Variants in PLCZ1 observed in about 807,000 individuals in gnomAD.
PLCZ1 encodes the protein phospholipase C zeta 1.
A neutral mutation model predicts 76.8 loss-of-function variants in PLCZ1; 64 were observed. The observed-to-expected ratio is 0.83, with a 90% CI of 0.68 to 1.03. PLCZ1 has a LOEUF of 1.03. Ranked by LOEUF, PLCZ1 falls within the 50% of genes least tolerant of loss-of-function variation. PLCZ1 has a pLI of 0.00. For synonymous variants in PLCZ1, 248 were observed against 230.8 expected (o/e 1.07, Z -0.68); for missense variants, 751 against 713.7 (o/e 1.05, Z -0.60).
the PLCZ1 span, among the ~76,000 whole-genome samples, chr12:18,652,452 T>C: frequency 6.6e-6 from 1 of 152,104 alleles, no homozygotes; most frequent in African/African-American, 2.4e-5. Flanking sequence ...CCCACAGCTC[T>C]CAAAAGGAAC....
chr12:18,735,562 G>A (rs556456319), intron 3 of PLCZ1, among the ~76,000 whole-genome samples: 1 of 152,024 alleles, frequency 6.6e-6, no homozygotes, highest in South Asian at 2.1e-4. Context: ...TTTTGTTATT[G>A]GTCTGTTTAA....
At chr12:18,673,424 T>C in the PLCZ1 span, among the ~76,000 whole-genome samples, 1 of 152,134 alleles carries the variant, frequency 6.6e-6, no homozygotes, top group Non-Finnish European at 1.5e-5. Context: ...CACCAAGATA[T>C]ACTTTTTACA....
At chr12:18,678,596 C>T (rs146863129), downstream of PLCZ1, among the ~76,000 whole-genome samples, 824 of 152,124 alleles carry the variant, frequency 5.4e-3, 13 homozygotes, top group African/African-American at 0.019. Flanking sequence ...ATAAATGGAA[C>T]CACACAGTAC....
At chr12:18,650,331 C>A in the PLCZ1 span, among the ~76,000 whole-genome samples, 61,541 of 89,614 alleles carry the variant, frequency 0.69, 19,631 homozygotes, top group East Asian at 0.74. Context: ...CTCTCTCTCT[C>A]TATATATATA....
At chr12:18,656,751 AACG>A in the PLCZ1 span, among the ~76,000 whole-genome samples, 3 of 50,486 alleles carry the variant, frequency 5.9e-5, no homozygotes, top group African/African-American at 1.8e-4. Context: ...CAGCAACAAC[AACG>A]ACAACAACAA....
At chr12:18,667,921 G>A in the PLCZ1 span, among the ~76,000 whole-genome samples, 4 of 152,144 alleles carry the variant, frequency 2.6e-5, no homozygotes, top group African/African-American at 4.8e-5. Context: ...ACAAGGTGGA[G>A]AGTGAGACGG....
intron 6 of PLCZ1, among the ~76,000 whole-genome samples, chr12:18,710,280 TC>T (rs1415065656): frequency 1.3e-5 from 2 of 151,228 alleles, no homozygotes; most frequent in East Asian, 3.9e-4. Context: ...AATTCATTTT[TC>T]CACTCTGAAT....
chr12:18,695,947 T>C (rs955945654), intron 11 of PLCZ1, among the ~76,000 whole-genome samples: 1 of 151,858 alleles, frequency 6.6e-6, no homozygotes, highest in Non-Finnish European at 1.5e-5. Flanking sequence ...CCCCAAACCA[T>C]CACTGAGATT....
At chr12:18,717,616 A>T (rs117883048) in intron 5 of PLCZ1, among the ~76,000 whole-genome samples, 47 of 152,246 alleles carry the variant, frequency 3.1e-4, no homozygotes, top group Non-Finnish European at 6.2e-4. Context: ...TTAGCATGGA[A>T]ACCACAGAAC....
At chr12:18,650,700 GTGTGTA>G in the PLCZ1 span, among the ~76,000 whole-genome samples, 2 of 43,840 alleles carry the variant, frequency 4.6e-5, no homozygotes, top group East Asian at 1.2e-3. Context: ...GTGTGTGTGT[GTGTGTA>G]TATATCTATA....
chr12:18,703,168 G>A (rs565122064), intron 7 of PLCZ1, among the ~76,000 whole-genome samples: 9 of 152,166 alleles, frequency 5.9e-5, no homozygotes, highest in South Asian at 2.1e-4. Flanking sequence ...GATATGTTTC[G>A]AAATTCTTTA....
intron 3 of PLCZ1, among the ~76,000 whole-genome samples, chr12:18,734,445 G>C (rs1476042539): frequency 2.0e-5 from 3 of 152,108 alleles, no homozygotes; most frequent in African/African-American, 7.2e-5. Context: ...CTGCCTCCCA[G>C]GTTCAAGCAA....
At chr12:18,737,758 A>C in intron 1 of PLCZ1, 174 bp downstream of exon 1, 1 of 350,782 alleles carries the variant, frequency 2.9e-6, no homozygotes, top group African/African-American at 2.1e-5. Flanking sequence ...CTTTGTTTAA[A>C]CCCCTCAAAC....
At chr12:18,645,780 C>A in the PLCZ1 span, among the ~76,000 whole-genome samples, 3 of 152,110 alleles carry the variant, frequency 2.0e-5, no homozygotes, top group Admixed American at 1.3e-4. Flanking sequence ...CAGTTGACAA[C>A]AGATTCATGA....
At chr12:18,705,066 AT>A (rs1956432930) in intron 7 of PLCZ1, 99 bp downstream of exon 7, 13 of 1,444,050 alleles carry the variant, frequency 9.0e-6, no homozygotes, top group Non-Finnish European at 1.2e-5. Context: ...AAAACTAAGC[AT>A]TTTCATTGGT....
At chr12:18,681,042 G>C (rs1014611817), downstream of PLCZ1, among the ~76,000 whole-genome samples, 1 of 152,072 alleles carries the variant, frequency 6.6e-6, no homozygotes, top group Non-Finnish European at 1.5e-5. Flanking sequence ...ATTCAGTCAT[G>C]ATTCCGGAAT....
intron 13 of PLCZ1, chr12:18,685,566 C>T: frequency 2.1e-6 from 1 of 485,818 alleles, no homozygotes; most frequent in South Asian, 1.5e-5. Flanking sequence ...CACAAGAGCA[C>T]ATTTACCACA....
Position 18,736,204 on chromosome 12 carries a change from G to T in PLCZ1, c.135+17C>A. The T allele has an allele frequency of 6.2e-7, 1 of 1,610,534 alleles. No individual in the cohort carries two copies. The highest frequency in any genetic ancestry group is 1.3e-5 in the African/African-American group (1 of 74,922). The stretch of plus-strand genomic sequence containing the variant: ...TCCACCTAGGATAGGATAGGCAGGG[G>T]GTGGATGTCATCTTACCTTAAAAAT... On this transcript the variant is annotated intron_variant, in intron 3 of 14. Coordinates refer to ENST00000266505, the MANE Select transcript of PLCZ1 (RefSeq NM_033123.4).
At chr12:18,664,566 C>T in the PLCZ1 span, among the ~76,000 whole-genome samples, 257 of 152,148 alleles carry the variant, frequency 1.7e-3, no homozygotes, top group African/African-American at 5.9e-3. Context: ...TTAAAGTGTT[C>T]AAAATCATGG....
Sources: allele counts gnomAD v4.1 joint callset (sites outside exome capture counted in the v4.1 genomes callset), GRCh38; gene constraint gnomAD v4.1.1; transcripts MANE v1.5; gene names NCBI Gene and HGNC (gene_info 2026-07-23, HGNC 2026-07-21).